The following TSG101 variants were observed in gnomAD, a reference collection of about 807,000 sequenced individuals.
TSG101 encodes the protein tumor susceptibility 101.
TSG101 carries 19 observed loss-of-function variants against 48.5 expected under a neutral mutation model. The ratio of observed to expected loss-of-function variants is 0.39; its 90% CI spans 0.27 to 0.58. The LOEUF is 0.58. TSG101 is among the 20% of genes least tolerant of loss of function. TSG101 has a pLI of 0.55. For synonymous variants in TSG101, 174 were observed against 169.4 expected (o/e 1.03, Z -0.21); for missense variants, 365 against 484.4 (o/e 0.75, Z 2.31).
At chr11:18,502,890 T>C (rs1418697337) in intron 6 of TSG101, among the ~76,000 whole-genome samples, 1 of 152,198 alleles carries the variant, frequency 6.6e-6, no homozygotes, top group Non-Finnish European at 1.5e-5. Flanking sequence ...AAGTAATTTG[T>C]GAGAGAACTT....
chr11:18,483,951 A>G lies in TSG101; in HGVS notation c.762T>C (p.Asn254=), dbSNP rs567299163. ...GGTCTTCTTCTGTTCGTTTCAAGGC[A>G]TTGAGCTCTGCCTGGGCACGATCCA... ...EEMDRAQAEL[N]ALKRTEEDLK... The change falls in exon 8 of 10, where the codon AAT becomes AAC. Residue 254 remains asparagine (N), a synonymous_variant. Transcript: ENST00000251968. 1.2e-6 allele frequency: 2 copies of G among 1,614,166 alleles called. No homozygotes were observed. Among genetic ancestry groups the G allele is most frequent in the East Asian group, 2.2e-5 (1 of 44,890 alleles).
At chr11:18,515,536 A>G (rs773639061) in intron 3 of TSG101, among the ~76,000 whole-genome samples, 4 of 152,226 alleles carry the variant, frequency 2.6e-5, no homozygotes, top group Admixed American at 6.5e-5. Context: ...ATTATCACCA[A>G]CATCACAACC....
At chr11:18,516,923 CA>C (rs1850187668) in intron 2 of TSG101, among the ~76,000 whole-genome samples, 1 of 152,124 alleles carries the variant, frequency 6.6e-6, no homozygotes, top group South Asian at 2.1e-4. Flanking sequence ...GTCTGGGCAA[CA>C]AGAGCAAAAC....
chr11:18,484,277 A>G (rs555728694), intron 7 of TSG101, among the ~76,000 whole-genome samples: 1 of 152,350 alleles, frequency 6.6e-6, no homozygotes, highest in Admixed American at 6.5e-5. Flanking sequence ...ATTACTATTA[A>G]TCCATGTTAA....
intron 6 of TSG101, among the ~76,000 whole-genome samples, chr11:18,504,200 C>CAAA (rs933198352): frequency 3.2e-4 from 14 of 43,298 alleles, no homozygotes; most frequent in South Asian, 8.6e-4. Flanking sequence ...GCCCCCATCT[C>CAAA]AAAAAAAAAA....
chr11:18,514,454 A>C (rs1850136422), intron 4 of TSG101, among the ~76,000 whole-genome samples: 2 of 152,226 alleles, frequency 1.3e-5, no homozygotes, highest in South Asian at 4.1e-4. Flanking sequence ...GTTCAACTAA[A>C]GCCAACAAAA....
intron 7 of TSG101, among the ~76,000 whole-genome samples, chr11:18,495,919 G>A (rs1431122218): frequency 3.5e-5 from 5 of 144,236 alleles, no homozygotes; most frequent in African/African-American, 7.7e-5. Context: ...GTGAGACTCC[G>A]TCTCAAAAAA....
intron 4 of TSG101, among the ~76,000 whole-genome samples, chr11:18,514,273 G>A (rs1421701078): frequency 6.6e-6 from 1 of 152,050 alleles, no homozygotes; most frequent in Non-Finnish European, 1.5e-5. Flanking sequence ...TTTTTCATAG[G>A]AACATTAATC....
At chr11:18,524,038 C>T (rs532562928) in intron 1 of TSG101, among the ~76,000 whole-genome samples, 6 of 152,270 alleles carry the variant, frequency 3.9e-5, no homozygotes, top group Non-Finnish European at 7.4e-5. Context: ...TGGATTCTCC[C>T]ATCTCTACCT....
At chr11:18,514,923 C>G in intron 3 of TSG101, 82 bp from the exon 4 acceptor site, 1 of 1,310,892 alleles carries the variant, frequency 7.6e-7, no homozygotes. Context: ...GAGGTTTAGT[C>G]TAGATACAAT....
intron 1 of TSG101, among the ~76,000 whole-genome samples, chr11:18,525,147 G>A (rs1850347628): frequency 6.6e-6 from 1 of 152,096 alleles, no homozygotes; most frequent in African/African-American, 2.4e-5. Flanking sequence ...GACCTCAGGT[G>A]ATCCACCCGC....
At chr11:18,501,770 T>C (rs183524432) in intron 7 of TSG101, among the ~76,000 whole-genome samples, 34 of 152,364 alleles carry the variant, frequency 2.2e-4, no homozygotes, top group African/African-American at 8.2e-4. Flanking sequence ...TTTGTCTCAA[T>C]TGGACTCTTT....
At chr11:18,491,822 G>A (rs770687792) in intron 7 of TSG101, among the ~76,000 whole-genome samples, 16 of 152,048 alleles carry the variant, frequency 1.1e-4, no homozygotes, top group Non-Finnish European at 1.8e-4. Flanking sequence ...AGAATAAGTC[G>A]GTCTACTTCA....
At chr11:18,506,099 G>T (rs193122648) in intron 6 of TSG101, among the ~76,000 whole-genome samples, 61 of 152,236 alleles carry the variant, frequency 4.0e-4, no homozygotes, top group South Asian at 1.0e-3. Context: ...TGCTGGGTAA[G>T]ATTACAGGTG....
intron 7 of TSG101, among the ~76,000 whole-genome samples, chr11:18,496,639 T>C (rs564265411): frequency 1.3e-5 from 2 of 151,948 alleles, no homozygotes; most frequent in East Asian, 3.9e-4. Context: ...GCCTGGGCAA[T>C]ACAAAAATTA....
At chr11:18,487,411 T>C (rs1194573779) in intron 7 of TSG101, among the ~76,000 whole-genome samples, 1 of 152,218 alleles carries the variant, frequency 6.6e-6, no homozygotes, top group Non-Finnish European at 1.5e-5. Context: ...TTTATAATTT[T>C]GGTCTCTCAC....
chr11:18,496,139 T>C (rs1321460735), intron 7 of TSG101, among the ~76,000 whole-genome samples: 3 of 152,196 alleles, frequency 2.0e-5, no homozygotes, highest in African/African-American at 7.2e-5. Context: ...TGGTAAATTT[T>C]AAATCTTTCT....
intron 4 of TSG101, among the ~76,000 whole-genome samples, chr11:18,511,748 T>C (rs1191916634): frequency 1.3e-5 from 2 of 152,198 alleles, no homozygotes; most frequent in African/African-American, 4.8e-5. Context: ...CATAATATTT[T>C]CATCATCCGA....
At position 18,483,858 on chromosome 11, in the gene TSG101, T is replaced by C; in HGVS notation, c.843+12A>G. 2 of 1,613,672 alleles carry C rather than the reference T, an allele frequency of 1.2e-6. No homozygotes were observed. Among genetic ancestry groups the C allele is most frequent in the Non-Finnish European group, 1.7e-6 (2 of 1,179,922 alleles). On this transcript the variant is annotated intron_variant, in intron 8 of 9. Transcript: ENST00000251968. ...CAATCCAAAAATTTTAAGTCTTTAATGAGTCACTTACTACTTCTTGATCTA... is the reference window on the plus strand; with the variant it reads ...CAATCCAAAAATTTTAAGTCTTTAACGAGTCACTTACTACTTCTTGATCTA...
Sources: gnomAD v4.1 joint callset for allele counts (sites outside exome capture counted in the v4.1 genomes callset) on GRCh38, gnomAD v4.1.1 for gene constraint, MANE v1.5 for transcripts, NCBI Gene and HGNC (gene_info 2026-07-23, HGNC 2026-07-21) for gene names.